Variants in FBXO34 observed in about 807,000 individuals in gnomAD.
FBXO34 encodes F-box only protein 34.
FBXO34 carries 12 observed loss-of-function variants against 24.5 expected under a neutral mutation model. The observed-to-expected ratio is 0.49, with a 90% CI of 0.31 to 0.79. The LOEUF is 0.79. Among genes scored for constraint, FBXO34 ranks in the 30% least tolerant of loss-of-function variants. FBXO34 has a pLI of 0.04. For synonymous variants in FBXO34, 320 were observed against 311.9 expected, an observed-to-expected ratio of 1.03 and a Z score of -0.27; for missense variants, 823 against 857.7, an observed-to-expected ratio of 0.96 and a Z score of 0.51.
intron 1 of FBXO34, among the ~76,000 whole-genome samples, chr14:55,327,824 T>G (rs1419244606): frequency 6.6e-6 from 1 of 151,850 alleles, no homozygotes; most frequent in African/African-American, 2.4e-5. Flanking sequence ...GAAATCTTTT[T>G]TCATTCGCAA....
At chr14:55,398,652 A>C in the FBXO34 span, among the ~76,000 whole-genome samples, 38 of 152,254 alleles carry the variant, frequency 2.5e-4, no homozygotes, top group East Asian at 1.2e-3. Flanking sequence ...TCGATCTTGT[A>C]ACCTGAGACT....
chr14:55,358,399 C>G (rs1433798950), downstream of FBXO34, among the ~76,000 whole-genome samples: 4 of 152,180 alleles, frequency 2.6e-5, no homozygotes, highest in Non-Finnish European at 4.4e-5. Context: ...ATTTGCAGGG[C>G]CCATGGCAGG....
At chr14:55,359,025 C>A (rs138589039) in intron 3 of FBXO34, among the ~76,000 whole-genome samples, 1 of 152,018 alleles carries the variant, frequency 6.6e-6, no homozygotes, top group African/African-American at 2.4e-5. Context: ...AGGGAATGAA[C>A]ACCTTGAGCC....
chr14:55,281,316 AG>A (rs1241583086), intron 1 of FBXO34, among the ~76,000 whole-genome samples: 1 of 151,468 alleles, frequency 6.6e-6, no homozygotes, highest in African/African-American at 2.4e-5. Flanking sequence ...CAGGTGCCAA[AG>A]GCCACATGTG....
intron 1 of FBXO34, among the ~76,000 whole-genome samples, chr14:55,312,457 TCAA>T (rs747708772): frequency 2.6e-5 from 4 of 152,090 alleles, no homozygotes; most frequent in Non-Finnish European, 4.4e-5. Flanking sequence ...TTCTCACAGC[TCAA>T]CTAGGCAGTA....
chr14:55,352,075 G>C lies in FBXO34; in HGVS notation c.1685G>C (p.Arg562Thr). 1 of 1,614,188 alleles carries C rather than the reference G, an allele frequency of 6.2e-7. No individual in the cohort carries two copies. The highest frequency in any genetic ancestry group is 8.5e-7 in the Non-Finnish European group (1 of 1,180,034). Residue 562 changes from arginine to threonine, a missense_variant, in exon 2 of 2, where the codon AGG becomes ACG. Transcript: ENST00000313833. ...KQVSHDFLET[R>T]FKIQQLLEPQ... ...GTGTCGCATGACTTCCTGGAGACCA[G>C]GTTTAAAATCCAGCAGCTTTTGGAG...
the FBXO34 span, chr14:55,381,951 C>G: frequency 3.1e-6 from 5 of 1,603,680 alleles, no homozygotes; most frequent in South Asian, 4.4e-5. Context: ...AAAGGATATG[C>G]TGCTTCTCAC....
chr14:55,376,756 T>C, the FBXO34 span, among the ~76,000 whole-genome samples: 1 of 152,156 alleles, frequency 6.6e-6, no homozygotes. Context: ...TGAGTTCTCT[T>C]TCAAAAGTGT....
At chr14:55,378,085 AAC>A in the FBXO34 span, 1 of 1,606,990 alleles carries the variant, frequency 6.2e-7, no homozygotes, top group East Asian at 2.2e-5. Flanking sequence ...CTGTAAAACA[AAC>A]ATACAATTTA....
At chr14:55,372,023 C>G (rs1455464995), downstream of FBXO34, among the ~76,000 whole-genome samples, 2 of 152,108 alleles carry the variant, frequency 1.3e-5, no homozygotes, top group Non-Finnish European at 2.9e-5. Context: ...CTTTTCTCCC[C>G]TTTTTCTTTT....
chr14:55,332,148 C>T (rs980630117), intron 1 of FBXO34, among the ~76,000 whole-genome samples: 3 of 149,890 alleles, frequency 2.0e-5, no homozygotes, highest in Non-Finnish European at 3.0e-5. Flanking sequence ...TACTTTTCTC[C>T]ACTTGAACTG....
the FBXO34 span, among the ~76,000 whole-genome samples, chr14:55,406,301 G>A: frequency 6.6e-6 from 1 of 152,152 alleles, no homozygotes; most frequent in East Asian, 1.9e-4. Flanking sequence ...AGGCACAGAC[G>A]GTTTGGCTAA....
chr14:55,396,117 A>C, the FBXO34 span: 2 of 595,626 alleles, frequency 3.4e-6, no homozygotes, highest in Non-Finnish European at 5.4e-6. Context: ...TAGCATTTAA[A>C]GTGTTTTCCA....
chr14:55,372,416 ATTCTG>A (rs3837610), downstream of FBXO34, among the ~76,000 whole-genome samples: 653 of 152,138 alleles, frequency 4.3e-3, 17 homozygotes, highest in East Asian at 0.066. Context: ...AGATGCTCTG[ATTCTG>A]TTCTGTTCAG....
At chr14:55,345,108 G>C (rs1394041162) in intron 1 of FBXO34, among the ~76,000 whole-genome samples, 2 of 151,938 alleles carry the variant, frequency 1.3e-5, no homozygotes, top group Non-Finnish European at 2.9e-5. Context: ...ATGATGATGG[G>C]GTCAAATGAT....
At chr14:55,433,030 T>C in the FBXO34 span, among the ~76,000 whole-genome samples, 1 of 152,216 alleles carries the variant, frequency 6.6e-6, no homozygotes, top group Non-Finnish European at 1.5e-5. Flanking sequence ...ATCATTACTG[T>C]AACTTAAAAA....
chr14:55,351,001 C>G lies in FBXO34; in HGVS notation c.611C>G (p.Pro204Arg), dbSNP rs1884343998. The change falls in exon 2 of 2, where the codon CCT becomes CGT. Residue 204 changes from proline to arginine, a missense_variant. By Grantham distance (103) the Pro-to-Arg change is moderately radical. Coordinates refer to ENST00000313833, the MANE Select transcript of FBXO34 (RefSeq NM_017943.4). The stretch of plus-strand genomic sequence containing the variant: ...GGGGATGGAGTCTATGCTGGGAGGC[C>G]TCTGTCAGTTATACAGATGGTTGCC... Reference protein sequence around the residue: ...DSGDGVYAGRPLSVIQMVAFL... With the variant: ...DSGDGVYAGRRLSVIQMVAFL... 6.2e-7 allele frequency: 1 copy of G among 1,614,202 alleles called. No individual in the cohort carries two copies. Among genetic ancestry groups the G allele is most frequent in the Non-Finnish European group, 8.5e-7 (1 of 1,180,018 alleles).
At chr14:55,364,786 GAGTAC>G (rs1884644550), downstream of FBXO34, among the ~76,000 whole-genome samples, 2 of 146,186 alleles carry the variant, frequency 1.4e-5, no homozygotes. Flanking sequence ...GGCTAGAGTA[GAGTAC>G]AGTGGTGCAA....
the FBXO34 span, among the ~76,000 whole-genome samples, chr14:55,392,019 C>A: frequency 2.0e-5 from 3 of 152,228 alleles, no homozygotes; most frequent in Non-Finnish European, 4.4e-5. Context: ...TTTTTTGGCA[C>A]CAGGGACCAG....
Sources: gnomAD v4.1 joint callset for allele counts (sites outside exome capture counted in the v4.1 genomes callset) on GRCh38, gnomAD v4.1.1 for gene constraint, MANE v1.5 for transcripts, NCBI Gene and HGNC (gene_info 2026-07-23, HGNC 2026-07-21) for gene names.